Variants in COX10 observed in about 807,000 individuals in gnomAD.
The protein encoded by COX10 is cytochrome c oxidase assembly factor heme A:farnesyltransferase COX10.
In COX10, 27 loss-of-function variants were observed where a neutral mutation model predicts 37.3. The ratio of observed to expected loss-of-function variants is 0.72; its 90% CI spans 0.53 to 1.00. The LOEUF (loss-of-function observed/expected upper bound fraction) is 1.00. COX10 is among the 50% of genes least tolerant of loss of function. COX10 has a pLI of 0.00. For missense variants in COX10, 475 were observed against 563.2 expected (o/e 0.84, Z 1.59); for synonymous variants, 222 against 229.1 (o/e 0.97, Z 0.28).
At chr17:14,100,168 T>C (rs1179725522) in intron 3 of COX10, among the ~76,000 whole-genome samples, 2 of 152,176 alleles carry the variant, frequency 1.3e-5, no homozygotes, top group Non-Finnish European at 2.9e-5. Context: ...CTTCCACTTA[T>C]AGATTGCCTT....
intron 5 of COX10, among the ~76,000 whole-genome samples, chr17:14,183,142 G>A (rs1400581548): frequency 6.7e-6 from 1 of 149,264 alleles, no homozygotes; most frequent in South Asian, 2.2e-4. Flanking sequence ...GAAAGGCAGA[G>A]GTAGAAAAAT....
chr17:14,184,735 A>T (rs537708852), intron 5 of COX10, among the ~76,000 whole-genome samples: 9 of 152,308 alleles, frequency 5.9e-5, no homozygotes, highest in Non-Finnish European at 1.0e-4. Flanking sequence ...ATGAAAGACA[A>T]CTGAAAGTGG....
chr17:14,123,530 C>T (rs1305366537), intron 4 of COX10, among the ~76,000 whole-genome samples: 1 of 152,022 alleles, frequency 6.6e-6, no homozygotes, highest in Non-Finnish European at 1.5e-5. Context: ...ATGATGGAAA[C>T]ACATGAAACT....
chr17:14,113,356 G>A (rs1057137649), intron 4 of COX10, among the ~76,000 whole-genome samples: 1 of 151,972 alleles, frequency 6.6e-6, no homozygotes, highest in Non-Finnish European at 1.5e-5. Context: ...AACAAAACCT[G>A]TCATTGGGTT....
intron 4 of COX10, among the ~76,000 whole-genome samples, chr17:14,116,263 G>A (rs1916107245): frequency 1.3e-5 from 2 of 152,068 alleles, no homozygotes; most frequent in African/African-American, 4.8e-5. Flanking sequence ...AATATTAAAC[G>A]GAAAATTCAA....
chr17:14,083,602 T>C (rs1394579424), intron 3 of COX10, among the ~76,000 whole-genome samples: 1 of 152,230 alleles, frequency 6.6e-6, no homozygotes, highest in Non-Finnish European at 1.5e-5. Flanking sequence ...TGTGGGTTAG[T>C]GGGTAGCAGC....
At chr17:14,169,937 C>G (rs1364685545) in intron 5 of COX10, among the ~76,000 whole-genome samples, 2 of 152,132 alleles carry the variant, frequency 1.3e-5, no homozygotes, top group Non-Finnish European at 2.9e-5. Context: ...CATTCCTGCT[C>G]TCAGGAGACT....
intron 4 of COX10, among the ~76,000 whole-genome samples, chr17:14,111,263 A>T (rs1916001914): frequency 1.3e-5 from 2 of 152,258 alleles, no homozygotes; most frequent in East Asian, 3.9e-4. Context: ...AAGGGAAATT[A>T]CTTACCTGTG....
At position 14,107,088 on chromosome 17, in the gene COX10, A is replaced by T. The variant is rs963099946; in HGVS notation, c.624+4846A>T. ...AGTGCATCCCAGCACCCCTACTTCT[A>T]CCCACTGGACACTGACGGCACTCCC... On this transcript the variant is annotated intron_variant, in intron 4 of 6. Transcript: ENST00000261643. Among the ~76,000 whole-genome samples, 5 of 152,038 alleles carry T rather than the reference A, an allele frequency of 3.3e-5. No homozygotes were observed. The Middle Eastern group carries it at 0.01, about 310-fold the overall frequency.
chr17:14,143,769 GATAGGCAAA>G (rs750470059), intron 4 of COX10, among the ~76,000 whole-genome samples: 22 of 152,130 alleles, frequency 1.4e-4, no homozygotes, highest in Non-Finnish European at 2.8e-4. Context: ...TGTGTTCTCT[GATAGGCAAA>G]ATGGATGAGA....
chr17:14,091,537 A>G (rs1400700224), intron 3 of COX10, among the ~76,000 whole-genome samples: 1 of 152,232 alleles, frequency 6.6e-6, no homozygotes, highest in East Asian at 1.9e-4. Flanking sequence ...CCAAAGGAAA[A>G]GAAAACAATG....
chr17:14,182,620 A>G (rs1230848900), intron 5 of COX10, among the ~76,000 whole-genome samples: 2 of 152,170 alleles, frequency 1.3e-5, no homozygotes, highest in Non-Finnish European at 2.9e-5. Flanking sequence ...TCCAAGCTCC[A>G]ATGTGGGATT....
At chr17:14,124,282 T>C (rs1288373046) in intron 4 of COX10, among the ~76,000 whole-genome samples, 1 of 152,202 alleles carries the variant, frequency 6.6e-6, no homozygotes, top group African/African-American at 2.4e-5. Context: ...TAGAGAGATT[T>C]TTACTTAGAG....
chr17:14,170,697 C>T (rs1905438992), intron 5 of COX10, among the ~76,000 whole-genome samples: 1 of 152,128 alleles, frequency 6.6e-6, no homozygotes, highest in Non-Finnish European at 1.5e-5. Flanking sequence ...ACACTCCTGT[C>T]ATCCCAGCTC....
chr17:14,171,922 A>G (rs1905483135), intron 5 of COX10, among the ~76,000 whole-genome samples: 1 of 151,772 alleles, frequency 6.6e-6, no homozygotes. Context: ...CATCCTAGAC[A>G]CTCTTTTTCT....
chr17:14,137,841 T>C (rs972253723), intron 4 of COX10, among the ~76,000 whole-genome samples: 4 of 152,070 alleles, frequency 2.6e-5, no homozygotes, highest in Non-Finnish European at 4.4e-5. Flanking sequence ...ACTTTGCCTG[T>C]GTTCCTGGTT....
rs533637845 is a variant in COX10 at position 14,151,003 on chromosome 17, C to A, written c.625-8874C>A. 5.9e-5 allele frequency among the ~76,000 whole-genome samples: 9 copies of A among 151,992 alleles called. No homozygotes were observed. The South Asian group carries it at 1.7e-3, about 28-fold the overall frequency. The stretch of plus-strand genomic sequence containing the variant: ...TGCCATTGTTTTTACTTCACTGCTT[C>A]AGAAGTAGTTGGAACCAACTGAAAA... On this transcript the variant is annotated intron_variant, in intron 4 of 6. Transcript: ENST00000261643.
intron 4 of COX10, among the ~76,000 whole-genome samples, chr17:14,123,627 A>G (rs921780398): frequency 6.6e-6 from 1 of 152,180 alleles, no homozygotes; most frequent in African/African-American, 2.4e-5. Flanking sequence ...GAGAATGTAA[A>G]TGTTATTTCT....
chr17:14,109,465 C>T (rs903710285), intron 4 of COX10, among the ~76,000 whole-genome samples: 4 of 152,020 alleles, frequency 2.6e-5, no homozygotes, highest in Admixed American at 2.0e-4. Context: ...ATAATTCGAA[C>T]GTATATTTGT....
Sources: gnomAD v4.1 joint callset for allele counts (sites outside exome capture counted in the v4.1 genomes callset) on GRCh38, gnomAD v4.1.1 for gene constraint, MANE v1.5 for transcripts, NCBI Gene and HGNC (gene_info 2026-07-23, HGNC 2026-07-21) for gene names.